RBFOX1: variants seen among roughly 807,000 people sequenced by gnomAD.
RBFOX1 encodes the protein RNA binding protein fox-1 homolog 1.
In RBFOX1, 8 loss-of-function variants were observed where a neutral mutation model predicts 57.7. The ratio of observed to expected loss-of-function variants is 0.14; its 90% CI spans 0.08 to 0.25. The LOEUF is 0.25. Ranked by LOEUF, RBFOX1 falls within the 10% of genes least tolerant of loss-of-function variation. RBFOX1 has a pLI of 1.00. For synonymous variants in RBFOX1, 326 were observed against 222.4 expected (o/e 1.47, Z -4.15); for missense variants, 611 against 548.5 (o/e 1.11, Z -1.14).
chr16:7,199,866 G>C (rs1039772840), intron 4 of RBFOX1, among the ~76,000 whole-genome samples: 1 of 152,108 alleles, frequency 6.6e-6, no homozygotes, highest in African/African-American at 2.4e-5. Flanking sequence ...CTATACTCCA[G>C]CCTGGGCAAC....
intron 5 of RBFOX1, among the ~76,000 whole-genome samples, chr16:7,531,732 G>A (rs947657773): frequency 1.3e-5 from 2 of 152,176 alleles, no homozygotes; most frequent in African/African-American, 4.8e-5. Flanking sequence ...CCCATTTTGT[G>A]TGATTACCCC....
At chr16:6,776,621 C>T (rs928389008) in intron 3 of RBFOX1, among the ~76,000 whole-genome samples, 1 of 152,106 alleles carries the variant, frequency 6.6e-6, no homozygotes. Flanking sequence ...GGAGAGTTTT[C>T]TTTATCCCTT....
intron 2 of RBFOX1, among the ~76,000 whole-genome samples, chr16:5,503,297 G>A (rs2043262134): frequency 6.6e-6 from 1 of 152,156 alleles, no homozygotes; most frequent in South Asian, 2.1e-4. Flanking sequence ...AGTTGTACCC[G>A]TGGGAAGTAA....
At chr16:6,727,307 T>G (rs1010256311) in intron 3 of RBFOX1, among the ~76,000 whole-genome samples, 14 of 151,768 alleles carry the variant, frequency 9.2e-5, no homozygotes, top group Admixed American at 6.6e-4. Context: ...TTTCTTTCAG[T>G]AGAAAAAAAA....
rs1192496608 is a variant in RBFOX1, at chr16:5,856,575, G to GTGTATATATA, written c.319-10727_319-10726insGTATATATAT. The stretch of plus-strand genomic sequence containing the variant: ...TGTGTGTGTGTGTATGTGTGTGTGT[G>GTGTATATATA]TATATATATATATATATATATATAT... On this transcript the variant is annotated intron_variant, in intron 3 of 19. Transcript: ENST00000641259. Among the ~76,000 whole-genome samples the GTGTATATATA allele has an allele frequency of 1.4e-3, 45 of 32,916 alleles. 2 individuals are homozygous for GTGTATATATA. Among genetic ancestry groups the GTGTATATATA allele is most frequent in the Admixed American group, 2.4e-3 (8 of 3,278 alleles). The allele number at this position is 32,916 out of a possible 152,430, so 21.6% of individuals were successfully genotyped here.
At chr16:6,186,476 G>C (rs1044012441) in intron 1 of RBFOX1, among the ~76,000 whole-genome samples, 2 of 152,150 alleles carry the variant, frequency 1.3e-5, no homozygotes, top group African/African-American at 4.8e-5. Context: ...TTAGAGAGTA[G>C]ACTGCAGAAA....
intron 4 of RBFOX1, among the ~76,000 whole-genome samples, chr16:6,006,645 T>C (rs1044065556): frequency 6.6e-6 from 1 of 152,224 alleles, no homozygotes; most frequent in Non-Finnish European, 1.5e-5. Context: ...CTTCAACTAG[T>C]TTGAGTTGAG....
At chr16:5,396,109 C>T (rs1041557114) in intron 1 of RBFOX1, among the ~76,000 whole-genome samples, 1 of 152,174 alleles carries the variant, frequency 6.6e-6, no homozygotes, top group Admixed American at 6.5e-5. Flanking sequence ...TTTAAGCCCC[C>T]AGGGTTATGA....
intron 4 of RBFOX1, among the ~76,000 whole-genome samples, chr16:5,924,602 G>GC (rs2058903663): frequency 1.3e-5 from 2 of 152,146 alleles, no homozygotes; most frequent in African/African-American, 2.4e-5. Context: ...GTAGCCTGAA[G>GC]CCCTCAGCAG....
At chr16:7,588,137 C>G (rs550266863) in intron 7 of RBFOX1, among the ~76,000 whole-genome samples, 8 of 152,306 alleles carry the variant, frequency 5.3e-5, no homozygotes, top group Non-Finnish European at 1.2e-4. Context: ...TGAGATTGCA[C>G]CACTGCACCA....
At chr16:7,503,631 A>T (rs1567547583) in intron 4 of RBFOX1, among the ~76,000 whole-genome samples, 1 of 152,196 alleles carries the variant, frequency 6.6e-6, no homozygotes, top group Non-Finnish European at 1.5e-5. Flanking sequence ...CCTTTAGAAA[A>T]AGTGGGCTGG....
chr16:7,192,733 G>C (rs1274143258), intron 4 of RBFOX1, among the ~76,000 whole-genome samples: 2 of 152,184 alleles, frequency 1.3e-5, no homozygotes, highest in Non-Finnish European at 2.9e-5. Flanking sequence ...CTGGGTGAGA[G>C]ACCCAGGAGT....
At chr16:5,992,702 G>A (rs1442226876) in intron 4 of RBFOX1, among the ~76,000 whole-genome samples, 2 of 152,218 alleles carry the variant, frequency 1.3e-5, no homozygotes, top group Non-Finnish European at 2.9e-5. Context: ...GGGAGGCCAA[G>A]GTGGGTGGAT....
chr16:5,925,653 G>C (rs1056594484), intron 4 of RBFOX1, among the ~76,000 whole-genome samples: 1 of 151,828 alleles, frequency 6.6e-6, no homozygotes, highest in African/African-American at 2.4e-5. Flanking sequence ...TATGTTATGT[G>C]TATTTTACCA....
At chr16:6,709,041 C>A (rs1242020099) in intron 3 of RBFOX1, among the ~76,000 whole-genome samples, 1 of 151,984 alleles carries the variant, frequency 6.6e-6, no homozygotes, top group Non-Finnish European at 1.5e-5. Context: ...ACCATCTCCC[C>A]AGGTGAGCAA....
intron 3 of RBFOX1, among the ~76,000 whole-genome samples, chr16:6,989,815 C>G (rs1304305550): frequency 6.6e-6 from 1 of 152,092 alleles, no homozygotes. Context: ...GCCTGGCTAA[C>G]ATGGTGAAAT....
chr16:7,133,795 G>A (rs1264479973), intron 4 of RBFOX1, among the ~76,000 whole-genome samples: 2 of 152,026 alleles, frequency 1.3e-5, no homozygotes, highest in African/African-American at 2.4e-5. Flanking sequence ...AAAAAAGAAT[G>A]ACTGACACAG....
chr16:6,213,631 C>A (rs987539774), intron 1 of RBFOX1, among the ~76,000 whole-genome samples: 1 of 152,174 alleles, frequency 6.6e-6, no homozygotes, highest in Non-Finnish European at 1.5e-5. Flanking sequence ...ACCTGGGAGT[C>A]ATGAGTCTGT....
intron 4 of RBFOX1, among the ~76,000 whole-genome samples, chr16:7,060,274 C>T (rs1319721189): frequency 1.3e-5 from 2 of 152,106 alleles, no homozygotes; most frequent in African/African-American, 4.8e-5. Context: ...TTTACAAGAA[C>T]AGGCAGTGGG....
Sources: gnomAD v4.1 joint callset for allele counts (sites outside exome capture counted in the v4.1 genomes callset) on GRCh38, gnomAD v4.1.1 for gene constraint, MANE v1.5 for transcripts, NCBI Gene and HGNC (gene_info 2026-07-23, HGNC 2026-07-21) for gene names.